The following EYS variants were observed in gnomAD, a reference collection of about 807,000 sequenced individuals.
EYS encodes protein eyes shut homolog.
A neutral mutation model predicts 282.1 loss-of-function variants in EYS; 250 were observed. That is an observed-to-expected ratio of 0.89 (90% CI 0.80 to 0.98). The LOEUF (loss-of-function observed/expected upper bound fraction) is 0.98, where lower values mean the gene tolerates loss of function less well. Ranked by LOEUF, EYS falls within the 50% of genes least tolerant of loss-of-function variation. The pLI is 0.00. For synonymous variants in EYS, 1,355 were observed against 1,282.9 expected, an observed-to-expected ratio of 1.06 and a Z score of -1.20; for missense variants, 4,016 against 3,709.0, an observed-to-expected ratio of 1.08 and a Z score of -2.15.
At chr6:65,198,791 A>G (rs1765830895) in intron 12 of EYS, among the ~76,000 whole-genome samples, 1 of 152,156 alleles carries the variant, frequency 6.6e-6, no homozygotes, top group Admixed American at 6.6e-5. Flanking sequence ...TTGGTTGTTC[A>G]GATTAGGTGG....
chr6:64,349,237 CATT>C (rs1215990452), intron 29 of EYS, among the ~76,000 whole-genome samples: 6 of 151,076 alleles, frequency 4.0e-5, no homozygotes, highest in Admixed American at 1.3e-4. Flanking sequence ...TAAGCAATGT[CATT>C]ATCTTGCTAT....
chr6:63,790,920 A>G (rs1310617214), intron 37 of EYS, among the ~76,000 whole-genome samples: 1 of 151,920 alleles, frequency 6.6e-6, no homozygotes, highest in Non-Finnish European at 1.5e-5. Flanking sequence ...TTTCAGCTGT[A>G]TCCTTCCTTT....
intron 29 of EYS, among the ~76,000 whole-genome samples, chr6:64,354,404 C>T (rs1481040002): frequency 1.3e-5 from 2 of 151,464 alleles, no homozygotes; most frequent in African/African-American, 2.4e-5. Context: ...CATATATGTT[C>T]TAATCCTATA....
chr6:65,009,237 C>G (rs1771787428), intron 13 of EYS, among the ~76,000 whole-genome samples: 1 of 152,056 alleles, frequency 6.6e-6, no homozygotes, highest in African/African-American at 2.4e-5. Flanking sequence ...AGACCTGAGG[C>G]CCAACAAGAA....
chr6:64,012,665 A>G (rs1768693955), intron 33 of EYS, among the ~76,000 whole-genome samples: 1 of 152,206 alleles, frequency 6.6e-6, no homozygotes, highest in Admixed American at 6.5e-5. Context: ...CTGGGTAAGC[A>G]AATTTAAGGA....
intron 2 of EYS, among the ~76,000 whole-genome samples, chr6:65,608,015 T>G (rs354393): frequency 3.3e-5 from 5 of 152,072 alleles, no homozygotes; most frequent in African/African-American, 9.6e-5. Context: ...CTCTTAAAAA[T>G]TCTTGATTTT....
intron 26 of EYS, among the ~76,000 whole-genome samples, chr6:64,524,396 T>A (rs904374551): frequency 4.6e-5 from 7 of 151,832 alleles, no homozygotes; most frequent in African/African-American, 1.7e-4. Context: ...GACAGGGGCA[T>A]AGTTTGCAAA....
In EYS at chr6:63,984,686, T is replaced by A. The variant is rs1767274970; in HGVS notation, c.6835-83A>T. On this transcript the variant is annotated intron_variant, in intron 34 of 42. Coordinates refer to ENST00000503581, the MANE Select transcript of EYS (RefSeq NM_001142800.2). ...GATGTAGGATGTTTGGTTCTGTAATTGGATGTGTTTTAATGTGTTTTTCTG... is the reference window on the plus strand; with the variant it reads ...GATGTAGGATGTTTGGTTCTGTAATAGGATGTGTTTTAATGTGTTTTTCTG... The A allele has an allele frequency of 2.7e-6, 3 of 1,099,144 alleles. No homozygotes were observed. In the Admixed American group the frequency reaches 6.5e-5, roughly 24 times the overall value. 68.1% of individuals were successfully genotyped at this position (1,099,144 alleles called of 1,614,324 possible).
Position 64,545,324 on chromosome 6 carries a change from T to A in EYS, c.5644+44899A>T, listed in dbSNP as rs6933578. ...GGCCTTTGACAAAATTCAACGACCCTTCATGCTAAAAACTCTCAATAAATT... is the reference window on the plus strand; with the variant it reads ...GGCCTTTGACAAAATTCAACGACCCATCATGCTAAAAACTCTCAATAAATT... On this transcript the variant is annotated intron_variant, in intron 26 of 42. Transcript: ENST00000503581. Among the ~76,000 whole-genome samples the A allele has an allele frequency of 1.8e-4, 28 of 152,074 alleles. No homozygotes were observed. In the South Asian group the frequency reaches 2.9e-3, roughly 16 times the overall value.
chr6:64,296,561 TATATATATATATATATATATATAC>T lies in EYS; in HGVS notation c.6191+10385_6191+10408del, dbSNP rs1561913519. On this transcript the variant is annotated intron_variant, in intron 30 of 42. Coordinates refer to ENST00000503581, the MANE Select transcript of EYS (RefSeq NM_001142800.2). ...GGCAGAATATATATATATATATATA[TATATATATATATATATATATATAC>T]ATATATATATATATTTTTTTTTTTT... is the stretch of plus-strand genomic sequence containing the variant. 1.5e-3 allele frequency among the ~76,000 whole-genome samples: 10 copies of T among 6,848 alleles called. 2 individuals carry two copies. The highest frequency in any genetic ancestry group is 5.4e-3 in the African/African-American group (10 of 1,840). 4.5% of individuals were successfully genotyped at this position (6,848 alleles called of 152,430 possible).
intron 12 of EYS, among the ~76,000 whole-genome samples, chr6:65,242,711 G>C (rs1426723219): frequency 1.3e-5 from 2 of 152,032 alleles, no homozygotes; most frequent in Admixed American, 6.5e-5. Flanking sequence ...TTCCAAAATT[G>C]CTGGATGATT....
At chr6:63,727,149 T>C (rs946794864) in intron 41 of EYS, among the ~76,000 whole-genome samples, 1 of 150,456 alleles carries the variant, frequency 6.6e-6, no homozygotes, top group Non-Finnish European at 1.5e-5. Flanking sequence ...AGGCATAATA[T>C]ATTGATTTTT....
At chr6:64,382,844 A>C (rs1055108685) in intron 29 of EYS, among the ~76,000 whole-genome samples, 1 of 152,184 alleles carries the variant, frequency 6.6e-6, no homozygotes, top group African/African-American at 2.4e-5. Flanking sequence ...GAGCTGAAAA[A>C]AAGATGCATC....
At chr6:63,969,651 A>T (rs1017798296) in intron 35 of EYS, among the ~76,000 whole-genome samples, 12 of 152,208 alleles carry the variant, frequency 7.9e-5, no homozygotes, top group African/African-American at 2.9e-4. Flanking sequence ...CGATAAATTA[A>T]CTTGATATAT....
intron 36 of EYS, among the ~76,000 whole-genome samples, chr6:63,852,143 C>T (rs1427160079): frequency 4.9e-4 from 47 of 95,732 alleles, no homozygotes; most frequent in Non-Finnish European, 7.5e-4. Context: ...GGCGACAGAG[C>T]GAGACTCTGT....
At chr6:64,248,833 T>C (rs1445417326) in intron 30 of EYS, among the ~76,000 whole-genome samples, 1 of 151,900 alleles carries the variant, frequency 6.6e-6, no homozygotes, top group African/African-American at 2.4e-5. Flanking sequence ...GGCAGGCGAA[T>C]TGTGTTGAGC....
intron 26 of EYS, among the ~76,000 whole-genome samples, chr6:64,556,265 G>T (rs1186192123): frequency 2.0e-5 from 3 of 151,998 alleles, no homozygotes; most frequent in Admixed American, 6.6e-5. Context: ...AAAAATTAAG[G>T]TATATTCAGA....
In EYS at chr6:64,085,340, G is replaced by GCACACACACACACA. The variant is rs71551560; in HGVS notation, c.6425-3352_6425-3339dup. On this transcript the variant is annotated intron_variant, in intron 31 of 42. Coordinates refer to ENST00000503581, the MANE Select transcript of EYS (RefSeq NM_001142800.2). Reference sequence around the variant, plus strand: ...CGCGCGCGCGTGCGCACGTGCGCGCGCACACACACACACACACACACACAC... The same window carrying GCACACACACACACA: ...CGCGCGCGCGTGCGCACGTGCGCGCGCACACACACACACACACACACACACACACACACACACAC... 2.7e-3 allele frequency among the ~76,000 whole-genome samples: 379 copies of GCACACACACACACA among 139,830 alleles called. 1 individual carries two copies. The highest frequency in any genetic ancestry group is 9.7e-3 in the African/African-American group (347 of 35,726). The allele number at this position is 139,830 out of a possible 152,430, so 91.7% of individuals were successfully genotyped here.
In EYS at chr6:64,478,953, T is replaced by C. The variant is rs182961080; in HGVS notation, c.5645-39601A>G. Reference sequence around the variant, plus strand: ...CAGTTTATCCTCTTTATATGTAAACTAGCTGAAGGCAACCTTGTTAGATAG... The same window carrying C: ...CAGTTTATCCTCTTTATATGTAAACCAGCTGAAGGCAACCTTGTTAGATAG... On this transcript the variant is annotated intron_variant, in intron 26 of 42. Coordinates refer to ENST00000503581, the MANE Select transcript of EYS (RefSeq NM_001142800.2). 1.4e-3 allele frequency among the ~76,000 whole-genome samples: 210 copies of C among 152,080 alleles called. 1 individual carries two copies. The highest frequency in any genetic ancestry group is 2.2e-3 in the Admixed American group (34 of 15,258).
Sources: allele counts gnomAD v4.1 joint callset (sites outside exome capture counted in the v4.1 genomes callset), GRCh38; gene constraint gnomAD v4.1.1; transcripts MANE v1.5; gene names NCBI Gene and HGNC (gene_info 2026-07-23, HGNC 2026-07-21).